The following TMEM163 variants were observed in gnomAD, a reference collection of about 807,000 sequenced individuals.
TMEM163 encodes the protein transmembrane protein 163.
A neutral mutation model predicts 29.3 loss-of-function variants in TMEM163; 17 were observed. That is an observed-to-expected ratio of 0.58 (90% CI 0.40 to 0.87). The LOEUF (loss-of-function observed/expected upper bound fraction) is 0.87. Ranked by LOEUF, TMEM163 falls within the 40% of genes least tolerant of loss-of-function variation. TMEM163 has a pLI of 0.00. For synonymous variants in TMEM163, 157 were observed against 160.6 expected, an observed-to-expected ratio of 0.98 and a Z score of 0.17; for missense variants, 303 against 381.5, an observed-to-expected ratio of 0.79 and a Z score of 1.71.
At chr2:134,587,026 T>G (rs920225353) in intron 2 of TMEM163, among the ~76,000 whole-genome samples, 1 of 151,876 alleles carries the variant, frequency 6.6e-6, no homozygotes, top group Non-Finnish European at 1.5e-5. Context: ...GGACTTAAGA[T>G]CTCATCTGTG....
chr2:134,701,178 A>G (rs189923714), intron 2 of TMEM163, among the ~76,000 whole-genome samples: 1 of 152,108 alleles, frequency 6.6e-6, no homozygotes, highest in African/African-American at 2.4e-5. Flanking sequence ...TAAAAAAGTA[A>G]AACCATAAAA....
chr2:134,615,755 C>T (rs1250221793), intron 2 of TMEM163, among the ~76,000 whole-genome samples: 1 of 142,932 alleles, frequency 7.0e-6, no homozygotes, highest in Non-Finnish European at 1.5e-5. Context: ...TTCCTGTGTT[C>T]AAGTGATTCT....
chr2:134,672,145 T>C (rs1456138451), intron 2 of TMEM163, among the ~76,000 whole-genome samples: 1 of 152,250 alleles, frequency 6.6e-6, no homozygotes, highest in Non-Finnish European at 1.5e-5. Flanking sequence ...TTGCTATTTC[T>C]GCCTCAAAAC....
intron 2 of TMEM163, among the ~76,000 whole-genome samples, chr2:134,615,831 AT>A (rs1682598995): frequency 6.6e-6 from 1 of 151,846 alleles, no homozygotes; most frequent in Admixed American, 6.6e-5. Context: ...TAATTCTTGT[AT>A]TTTTAGTAGA....
chr2:134,666,785 A>T (rs1683881023), intron 2 of TMEM163, among the ~76,000 whole-genome samples: 1 of 152,216 alleles, frequency 6.6e-6, no homozygotes, highest in South Asian at 2.1e-4. Context: ...TGCCTACCAC[A>T]TATGGATTTT....
At chr2:134,651,218 T>A (rs1683471406) in intron 2 of TMEM163, among the ~76,000 whole-genome samples, 1 of 103,130 alleles carries the variant, frequency 9.7e-6, no homozygotes, top group Non-Finnish European at 1.8e-5. Flanking sequence ...GTTTCCTGAC[T>A]TTTTAATGAT....
Position 134,488,730 on chromosome 2 carries a change from T to C in TMEM163, c.555+14171A>G, listed in dbSNP as rs190074873. Among the ~76,000 whole-genome samples, 24 of 152,116 alleles carry C rather than the reference T, an allele frequency of 1.6e-4. No homozygotes were observed. In the East Asian group the frequency reaches 4.6e-3, roughly 29 times the overall value. ...CTAGAGAACCCTGACTAATACAACA[T>C]AGAACAAGACTGGTACCTGGAACAC... On this transcript the variant is annotated intron_variant, in intron 5 of 7. Transcript: ENST00000281924.
intron 2 of TMEM163, among the ~76,000 whole-genome samples, chr2:134,635,133 G>T (rs1294732015): frequency 6.6e-6 from 1 of 152,222 alleles, no homozygotes; most frequent in Non-Finnish European, 1.5e-5. Flanking sequence ...GCAAGTTAAA[G>T]AAACATCTAA....
At chr2:134,686,529 A>G (rs1055076560) in intron 2 of TMEM163, among the ~76,000 whole-genome samples, 4 of 152,210 alleles carry the variant, frequency 2.6e-5, no homozygotes, top group African/African-American at 9.7e-5. Flanking sequence ...CCAGAGTAAA[A>G]GAAAACTCAC....
intron 2 of TMEM163, among the ~76,000 whole-genome samples, chr2:134,597,628 T>C (rs1269280239): frequency 1.3e-5 from 2 of 152,244 alleles, no homozygotes; most frequent in African/African-American, 2.4e-5. Context: ...GCTGGCCTCA[T>C]AGAATGAGTT....
At chr2:134,664,162 C>T (rs1683821268) in intron 2 of TMEM163, among the ~76,000 whole-genome samples, 1 of 152,222 alleles carries the variant, frequency 6.6e-6, no homozygotes, top group Non-Finnish European at 1.5e-5. Context: ...TCCCTCACAG[C>T]GAGTACCTCT....
At chr2:134,682,417 T>G (rs576729610) in intron 2 of TMEM163, among the ~76,000 whole-genome samples, 44 of 152,284 alleles carry the variant, frequency 2.9e-4, no homozygotes, top group Admixed American at 9.8e-4. Context: ...TGCTGACCAT[T>G]TCTTGTGTCA....
intron 4 of TMEM163, among the ~76,000 whole-genome samples, chr2:134,510,498 T>C (rs747667645): frequency 1.3e-5 from 2 of 151,980 alleles, no homozygotes; most frequent in Non-Finnish European, 2.9e-5. Flanking sequence ...TGGAAGACAA[T>C]GTCAATGGCC....
chr2:134,615,962 G>A (rs759350921), intron 2 of TMEM163, among the ~76,000 whole-genome samples: 23 of 152,118 alleles, frequency 1.5e-4, no homozygotes, highest in African/African-American at 2.2e-4. Flanking sequence ...CAGCCTAAGA[G>A]CAGAGCTTTC....
chr2:134,603,865 AGAAGGGAGGGGAAGGGAGGGGAGG>A (rs1471991900), intron 2 of TMEM163, among the ~76,000 whole-genome samples: 2 of 129,638 alleles, frequency 1.5e-5, no homozygotes, highest in Admixed American at 1.6e-4. Context: ...GGGAGGGAAC[AGAAGGGAGGGGAAGGGAGGGGAGG>A]GTATGGAAGG....
At chr2:134,483,213 G>A (rs966979877) in intron 5 of TMEM163, among the ~76,000 whole-genome samples, 1 of 152,122 alleles carries the variant, frequency 6.6e-6, no homozygotes, top group Non-Finnish European at 1.5e-5. Flanking sequence ...AGAGTCTCGG[G>A]GACAAGCCCT....
chr2:134,531,379 G>A (rs1309389661), intron 4 of TMEM163, among the ~76,000 whole-genome samples: 1 of 152,196 alleles, frequency 6.6e-6, no homozygotes, highest in African/African-American at 2.4e-5. Context: ...GACAGCAGCT[G>A]GGTGTCCTCC....
chr2:134,602,461 A>C (rs1404192404), intron 2 of TMEM163, among the ~76,000 whole-genome samples: 1 of 152,166 alleles, frequency 6.6e-6, no homozygotes, highest in Non-Finnish European at 1.5e-5. Context: ...GCTGCCAAGA[A>C]GGACTGCCTA....
At chr2:134,470,293 C>A (rs899660810) in intron 5 of TMEM163, among the ~76,000 whole-genome samples, 6 of 149,782 alleles carry the variant, frequency 4.0e-5, no homozygotes, top group African/African-American at 1.5e-4. Context: ...GGAGGTGGAG[C>A]TTGCAGTGAG....
Sources: allele counts gnomAD v4.1 joint callset (sites outside exome capture counted in the v4.1 genomes callset), GRCh38; gene constraint gnomAD v4.1.1; transcripts MANE v1.5; gene names NCBI Gene and HGNC (gene_info 2026-07-23, HGNC 2026-07-21).